TENM2: variants seen among roughly 807,000 people sequenced by gnomAD.
TENM2 encodes the protein teneurin transmembrane protein 2.
In TENM2, 52 loss-of-function variants were observed where a neutral mutation model predicts 245.2. That is an observed-to-expected ratio of 0.21 (90% CI 0.17 to 0.27). TENM2 has a LOEUF of 0.27. Among genes scored for constraint, TENM2 ranks in the 10% least tolerant of loss-of-function variants. The pLI, the probability that TENM2 is intolerant of heterozygous loss-of-function variation, is 1.00. For synonymous variants in TENM2, 1,363 were observed against 1,438.9 expected (o/e 0.95, Z 1.19); for missense variants, 3,046 against 3,666.8 (o/e 0.83, Z 4.37).
chr5:167,462,224 G>C (rs568117898), intron 2 of TENM2, among the ~76,000 whole-genome samples: 3 of 115,768 alleles, frequency 2.6e-5, no homozygotes, highest in African/African-American at 1.0e-4. Context: ...GGTATAACTT[G>C]TCTGTTTGGC....
chr5:168,054,064 G>A (rs1375469448), intron 6 of TENM2, among the ~76,000 whole-genome samples: 3 of 152,246 alleles, frequency 2.0e-5, no homozygotes, highest in Admixed American at 6.5e-5. Flanking sequence ...TTCATCTGAA[G>A]AGTCATAGGT....
At chr5:167,333,610 A>G (rs1757585502) in intron 1 of TENM2, among the ~76,000 whole-genome samples, 1 of 152,218 alleles carries the variant, frequency 6.6e-6, no homozygotes, top group South Asian at 2.1e-4. Context: ...CAACACTGCA[A>G]CTGAGTAGAG....
At chr5:167,679,665 G>T (rs983206886) in intron 2 of TENM2, among the ~76,000 whole-genome samples, 8 of 152,124 alleles carry the variant, frequency 5.3e-5, no homozygotes, top group Non-Finnish European at 8.8e-5. Flanking sequence ...CAGTTTTCCT[G>T]AAACATGTTA....
the TENM2 span, among the ~76,000 whole-genome samples, chr5:167,184,927 C>T: frequency 6.6e-6 from 1 of 152,150 alleles, no homozygotes; most frequent in Admixed American, 6.5e-5. Context: ...TCATAAGGAG[C>T]ACACAACCTC....
chr5:167,214,191 G>A, the TENM2 span, among the ~76,000 whole-genome samples: 3 of 152,174 alleles, frequency 2.0e-5, no homozygotes, highest in African/African-American at 7.2e-5. Flanking sequence ...CTCTGGGATT[G>A]GAAGAGCCCT....
chr5:167,548,153 A>C (rs538769047), intron 2 of TENM2, among the ~76,000 whole-genome samples: 3 of 152,336 alleles, frequency 2.0e-5, no homozygotes, highest in African/African-American at 7.2e-5. Flanking sequence ...GTGAGTGTTT[A>C]ATACCATAAA....
the TENM2 span, among the ~76,000 whole-genome samples, chr5:167,139,890 C>T: frequency 1.3e-5 from 2 of 152,140 alleles, no homozygotes; most frequent in Non-Finnish European, 2.9e-5. Flanking sequence ...ACAGTTGGTT[C>T]TGTGTTACTA....
intron 2 of TENM2, among the ~76,000 whole-genome samples, chr5:167,398,663 C>T (rs749340836): frequency 7.2e-5 from 11 of 152,118 alleles, no homozygotes; most frequent in Non-Finnish European, 1.6e-4. Flanking sequence ...TGGTCTCGAA[C>T]TCCTGACCTC....
At chr5:168,054,378 G>T (rs1789362828) in intron 6 of TENM2, among the ~76,000 whole-genome samples, 1 of 152,228 alleles carries the variant, frequency 6.6e-6, no homozygotes, top group Non-Finnish European at 1.5e-5. Context: ...TCACTTATCT[G>T]TTGGTTAAAC....
chr5:168,115,403 AGG>A lies in TENM2; in HGVS notation c.1814-2888_1814-2887del, dbSNP rs1300381573. Among the ~76,000 whole-genome samples, 111 of 106,552 alleles carry A rather than the reference AGG, an allele frequency of 1.0e-3. 1 individual carries two copies. The highest frequency in any genetic ancestry group is 1.2e-3 in the Non-Finnish European group (59 of 49,708). 69.9% of individuals were successfully genotyped at this position (106,552 alleles called of 152,430 possible). A position where few individuals can be genotyped will look rare whatever the true frequency, so the allele number is the denominator to read the frequency against. ...AAGGAAGGAAGGAAGGAAGGAAGGA[AGG>A]AAGGGAAAGGAAAGGAAGGAAAGAA... On this transcript the variant is annotated intron_variant, in intron 9 of 28. Transcript: ENST00000518659.
chr5:167,810,543 T>G (rs1390304536), intron 2 of TENM2, among the ~76,000 whole-genome samples: 2 of 151,976 alleles, frequency 1.3e-5, no homozygotes, highest in Non-Finnish European at 2.9e-5. Flanking sequence ...AGGTTGATGT[T>G]GAGCTTACAG....
chr5:167,039,544 C>T, the TENM2 span, among the ~76,000 whole-genome samples: 4 of 151,972 alleles, frequency 2.6e-5, no homozygotes, highest in Admixed American at 1.3e-4. Context: ...GGCCTCTGCT[C>T]ATACTGCAAT....
chr5:166,996,640 T>C, the TENM2 span, among the ~76,000 whole-genome samples: 1 of 152,210 alleles, frequency 6.6e-6, no homozygotes, highest in Non-Finnish European at 1.5e-5. Context: ...AAGCCTGTGC[T>C]CATTTTTCTG....
chr5:167,919,979 G>C (rs930474170), intron 3 of TENM2, among the ~76,000 whole-genome samples: 1 of 152,146 alleles, frequency 6.6e-6, no homozygotes, highest in Non-Finnish European at 1.5e-5. Context: ...AGAAGTAAGA[G>C]GACTCACATC....
the TENM2 span, among the ~76,000 whole-genome samples, chr5:167,001,543 T>TAA: frequency 2.8e-5 from 4 of 143,654 alleles, no homozygotes; most frequent in African/African-American, 5.1e-5. Flanking sequence ...AAAGTGGAAT[T>TAA]AAAAAAAAAA....
chr5:167,925,467 C>T (rs139351471), intron 3 of TENM2, among the ~76,000 whole-genome samples: 110 of 152,208 alleles, frequency 7.2e-4, no homozygotes, highest in African/African-American at 2.5e-3. Flanking sequence ...ATGTATTTGT[C>T]AAAACGTTTC....
At chr5:167,687,434 G>T (rs1352276380) in intron 2 of TENM2, among the ~76,000 whole-genome samples, 1 of 152,116 alleles carries the variant, frequency 6.6e-6, no homozygotes, top group Non-Finnish European at 1.5e-5. Flanking sequence ...TGGAAGCATT[G>T]GGAGAGGGAA....
chr5:167,986,795 G>A (rs897434698), intron 4 of TENM2, among the ~76,000 whole-genome samples: 50 of 152,316 alleles, frequency 3.3e-4, no homozygotes, highest in African/African-American at 1.2e-3. Flanking sequence ...GGCCTCTGAA[G>A]GGGAGAAGCT....
At chr5:167,249,400 A>T in the TENM2 span, among the ~76,000 whole-genome samples, 1 of 152,094 alleles carries the variant, frequency 6.6e-6, no homozygotes, top group East Asian at 1.9e-4. Context: ...GCATTGTCTC[A>T]CCTTTCACCA....
Sources: gnomAD v4.1 joint callset for allele counts (sites outside exome capture counted in the v4.1 genomes callset) on GRCh38, gnomAD v4.1.1 for gene constraint, MANE v1.5 for transcripts, NCBI Gene and HGNC (gene_info 2026-07-23, HGNC 2026-07-21) for gene names.